CORO1A: variants seen among roughly 807,000 people sequenced by gnomAD.
The protein encoded by CORO1A is coronin-1A.
CORO1A carries 17 observed loss-of-function variants against 44.1 expected under a neutral mutation model. The observed-to-expected ratio is 0.39, with a 90% CI of 0.26 to 0.58. CORO1A has a LOEUF of 0.58. CORO1A is among the 20% of genes least tolerant of loss of function. The probability of loss-of-function intolerance (pLI) is 0.62; values close to 1 mark genes in which losing one functional copy is unlikely to be tolerated. For missense variants in CORO1A, 415 were observed against 606.5 expected (o/e 0.68, Z 3.32); for synonymous variants, 271 against 244.2 (o/e 1.11, Z -1.02).
Position 30,188,883 on chromosome 16 carries a change from G to C in CORO1A, c.1305G>C (p.Glu435Asp). ...AGGATGCCGTGTCTCGGCTGGAGGA[G>C]GAGATGCGGAAGCTCCAGGCCACGG... Reference protein sequence around the residue: ...PSSDAVSRLEEEMRKLQATVQ... With the variant: ...PSSDAVSRLEDEMRKLQATVQ... The change falls in exon 11 of 11, where the codon GAG becomes GAC. Residue 435 changes from glutamate (E) to aspartate (D), a missense_variant. Physicochemically the swap from Glu to Asp is conservative, Grantham distance 45. Coordinates refer to ENST00000219150, the MANE Select transcript of CORO1A (RefSeq NM_007074.4). The C allele has an allele frequency of 5.6e-6, 2 of 358,096 alleles. No homozygotes were observed. Among genetic ancestry groups the C allele is most frequent in the South Asian group, 4.5e-5 (2 of 44,378 alleles). The allele number at this position is 358,096 out of a possible 1,614,324, so 22.2% of individuals were successfully genotyped here.
chr16:30,187,593 C>A, intron 6 of CORO1A, 92 bp downstream of exon 6: 1 of 1,526,210 alleles, frequency 6.6e-7, no homozygotes, highest in Non-Finnish European at 8.9e-7. Flanking sequence ...GGCAGGATGG[C>A]CATGGGCCTC....
Position 30,184,836 on chromosome 16 carries a change from G to A in CORO1A, c.-1-373G>A, listed in dbSNP as rs916922538. 5.5e-6 allele frequency: 2 copies of A among 360,916 alleles called. No homozygotes were observed. Among genetic ancestry groups the A allele is most frequent in the Non-Finnish European group, 1.1e-5 (2 of 188,358 alleles). 22.4% of individuals were successfully genotyped at this position (360,916 alleles called of 1,614,324 possible). A position where few individuals can be genotyped will look rare whatever the true frequency, so the allele number is the denominator to read the frequency against. On this transcript the variant is annotated intron_variant, in intron 1 of 10. Coordinates refer to ENST00000219150, the MANE Select transcript of CORO1A (RefSeq NM_007074.4). This position sits in a 1 kb window ranked among gnomAD's most constrained non-coding sequence, Gnocchi z 4.3. ...GGTAACTAAGAGAGAACCCACCCTCGGAGCCATCTGGGCTGATGACGCCTG... is the reference window on the plus strand; with the variant it reads ...GGTAACTAAGAGAGAACCCACCCTCAGAGCCATCTGGGCTGATGACGCCTG...
chr16:30,185,454 TG>T (rs1353281286), intron 2 of CORO1A, 47 bp downstream of exon 2: 14 of 1,557,860 alleles, frequency 9.0e-6, no homozygotes, highest in Non-Finnish European at 1.2e-5. Context: ...ACCGGACCCA[TG>T]GCTCTGTGCA....
rs2073301663 is a variant in CORO1A, at chr16:30,183,807, C to CG, written c.-2+87dup. 1 of 151,274 alleles carries CG rather than the reference C, an allele frequency of 6.6e-6. No individual in the cohort carries two copies. The highest frequency in any genetic ancestry group is 6.6e-5 in the Admixed American group (1 of 15,188). 9.4% of individuals were successfully genotyped at this position (151,274 alleles called of 1,614,324 possible). ...GCGCGCGCGTGGGAGCCGCGGGCTG[C>CG]GGGGGCGCGCGGCTGTCACCGCGAC... On this transcript the variant is annotated intron_variant, in intron 1 of 10. Transcript: ENST00000219150. The surrounding 1 kb of genome is among the most constrained non-coding windows in gnomAD (Gnocchi z 5.0).
rs2073299537 is a variant in CORO1A, at chr16:30,183,666, T to G, written c.-61T>G. On this transcript the variant is annotated 5_prime_UTR_variant, in exon 1 of 11. Transcript: ENST00000219150. The surrounding 1 kb of genome is among the most constrained non-coding windows in gnomAD (Gnocchi z 5.0). Reference sequence around the variant, plus strand: ...CCCGGCTCCTCCAGCTCCTTCCTCCTCTTCCTCCTCCTCCTCCACCTCCGG... The same window carrying G: ...CCCGGCTCCTCCAGCTCCTTCCTCCGCTTCCTCCTCCTCCTCCACCTCCGG... 2 of 156,144 alleles carry G rather than the reference T, an allele frequency of 1.3e-5. No homozygotes were observed. Among genetic ancestry groups the G allele is most frequent in the Admixed American group, 6.5e-5 (1 of 15,382 alleles). 9.7% of individuals were successfully genotyped at this position (156,144 alleles called of 1,614,324 possible). A position where few individuals can be genotyped will look rare whatever the true frequency, so the allele number is the denominator to read the frequency against.
intron 2 of CORO1A, 75 bp from the exon 3 acceptor site, chr16:30,186,523 C>T: frequency 6.3e-7 from 1 of 1,581,816 alleles, no homozygotes; most frequent in Non-Finnish European, 8.7e-7. Context: ...CTCTGGGCCT[C>T]TCTGAAGGAG....
intron 4 of CORO1A, 36 bp downstream of exon 4, chr16:30,186,981 G>A: frequency 1.2e-6 from 2 of 1,613,070 alleles, no homozygotes; most frequent in Non-Finnish European, 8.5e-7. Flanking sequence ...GTGGCTCGTG[G>A]CCTGCAGTGG....
Position 30,185,202 on chromosome 16 carries a change from C to A in CORO1A, c.-1-7C>A. ...GGGAGAAATGCTCTTATGCTGTGTG[C>A]CCCCAGAATGAGCCGGCAGGTGGTC... On this transcript the variant is annotated splice_polypyrimidine_tract_variant and splice_region_variant and intron_variant, in intron 1 of 10. Transcript: ENST00000219150. 1 of 1,613,756 alleles carries A rather than the reference C, an allele frequency of 6.2e-7. No homozygotes were observed. The highest frequency in any genetic ancestry group is 1.7e-5 in the Admixed American group (1 of 60,012).
chr16:30,185,483 G>T, intron 2 of CORO1A, 76 bp downstream of exon 2: 1 of 1,358,172 alleles, frequency 7.4e-7, no homozygotes, highest in East Asian at 2.4e-5. Flanking sequence ...ATTAGGTGAC[G>T]GTCACCAGGC....
intron 1 of CORO1A, 82 bp from the exon 2 acceptor site, chr16:30,185,127 G>A (rs1047926980): frequency 2.2e-6 from 3 of 1,377,078 alleles, no homozygotes; most frequent in Middle Eastern, 1.8e-4. Context: ...CCAGACTGAG[G>A]GGTGTCCTGG....
intron 6 of CORO1A, 55 bp downstream of exon 6, chr16:30,187,556 GTT>G: frequency 1.3e-6 from 2 of 1,572,296 alleles, no homozygotes; most frequent in Non-Finnish European, 1.7e-6. Context: ...AAGACTGGAG[GTT>G]TCGTCCCTGC....
In CORO1A at chr16:30,185,266, C is replaced by T. The variant is rs1032858184; in HGVS notation, c.57C>T (p.Ala19=). Residue 19 remains alanine (A), a synonymous_variant, in exon 2 of 11, where the codon GCC becomes GCT. Coordinates refer to ENST00000219150, the MANE Select transcript of CORO1A (RefSeq NM_007074.4). ...SKFRHVFGQP[A]KADQCYEDVR... Reference sequence around the variant, plus strand: ...TCCGCCACGTGTTTGGACAGCCGGCCAAGGCCGACCAGTGCTATGAAGATG... The same window carrying T: ...TCCGCCACGTGTTTGGACAGCCGGCTAAGGCCGACCAGTGCTATGAAGATG... 1.9e-6 allele frequency: 3 copies of T among 1,614,086 alleles called. No homozygotes were observed. The African/African-American group carries it at 4.0e-5, about 22-fold the overall frequency.
At chr16:30,186,477 C>T in intron 2 of CORO1A, 121 bp from the exon 3 acceptor site, 3 of 1,261,008 alleles carry the variant, frequency 2.4e-6, no homozygotes, top group East Asian at 2.3e-5. Flanking sequence ...CCACCCCAGG[C>T]CCTGGTCCAG....
chr16:30,187,638 G>A, intron 6 of CORO1A, 87 bp from the exon 7 acceptor site: 1 of 1,484,462 alleles, frequency 6.7e-7, no homozygotes, highest in Non-Finnish European at 9.3e-7. Context: ...GTTCCCACTG[G>A]TTGGTCGGGA....
rs2151061490 is a variant in CORO1A at position 30,184,600 on chromosome 16, A to T, written c.-1-609A>T. 1 of 168,404 alleles carries T rather than the reference A, an allele frequency of 5.9e-6. No individual in the cohort carries two copies. The highest frequency in any genetic ancestry group is 1.3e-4 in the South Asian group (1 of 7,706). 10.4% of individuals were successfully genotyped at this position (168,404 alleles called of 1,614,324 possible). ...TAAGGGCACCTGCTTTTCTGAGCGG[A>T]GGCGAGAGGCAGAGGTATGGGGAGG... On this transcript the variant is annotated intron_variant, in intron 1 of 10. Transcript: ENST00000219150. The surrounding 1 kb of genome is among the most constrained non-coding windows in gnomAD (Gnocchi z 4.3).
Position 30,187,833 on chromosome 16 carries a change from G to A in CORO1A, c.861+4G>A. 6.9e-7 allele frequency: 1 copy of A among 1,439,008 alleles called. No homozygotes were observed. The highest frequency in any genetic ancestry group is 9.6e-7 in the Non-Finnish European group (1 of 1,037,738). The allele number at this position is 1,439,008 out of a possible 1,614,324, so 89.1% of individuals were successfully genotyped here. A position where few individuals can be genotyped will look rare whatever the true frequency, so the allele number is the denominator to read the frequency against. On this transcript the variant is annotated splice_donor_region_variant and intron_variant, in intron 7 of 10. Transcript: ENST00000219150. ...CATCGTCTACCTCTGTGGCAAGGTG[G>A]CCTCGTCGGGCGGGGTGGGGGTGGG...
chr16:30,185,612 A>G, intron 2 of CORO1A: 1 of 604,768 alleles, frequency 1.7e-6, no homozygotes, highest in South Asian at 2.0e-5. Flanking sequence ...AGCCAACACA[A>G]GATGGGTCAC....
intron 7 of CORO1A, 30 bp downstream of exon 7, chr16:30,187,859 A>AGGGGGGGGGGGGGGGGGGGGG: frequency 9.3e-6 from 2 of 215,462 alleles, no homozygotes; most frequent in Non-Finnish European, 1.3e-5. Context: ...TGGGGGTGGG[A>AGGGGGGGGGGGGGGGGGGGGG]GGTGGGCAGG....
Position 30,186,668 on chromosome 16 carries a change from G to A in CORO1A, c.269G>A (p.Cys90Tyr), listed in dbSNP as rs770820787. The part of the protein sequence containing the change: ...HTAPVLDIAW[C>Y]PHNDNVIASG... ...GCCCCTGTGCTAGACATCGCCTGGT[G>A]CCCGCACAATGACAACGTCATTGCC... Residue 90 changes from cysteine to tyrosine, a missense_variant, in exon 3 of 11, where the codon TGC becomes TAC. Cys to Tyr is a radical substitution (Grantham distance 194). Around this residue, in one of 2 missense-constraint regions of CORO1A, gnomAD observed 325 missense variants for 521.7 expected, o/e 0.62. Coordinates refer to ENST00000219150, the MANE Select transcript of CORO1A (RefSeq NM_007074.4). 6.2e-7 allele frequency: 1 copy of A among 1,613,290 alleles called. No homozygotes were observed. The highest frequency in any genetic ancestry group is 1.7e-5 in the Admixed American group (1 of 59,980).
Sources: allele counts gnomAD v4.1 joint callset, GRCh38; gene constraint gnomAD v4.1.1; regional missense constraint gnomAD v4.1.1; non-coding constraint Gnocchi (gnomAD v3.1); transcripts MANE v1.5; gene names NCBI Gene and HGNC (gene_info 2026-07-23, HGNC 2026-07-21).